Variants in GRK6 observed in about 807,000 individuals in gnomAD.
The protein encoded by GRK6 is G protein-coupled receptor kinase 6.
In GRK6, 37 loss-of-function variants were observed where a neutral mutation model predicts 80.8. The ratio of observed to expected loss-of-function variants is 0.46; its 90% CI spans 0.35 to 0.60. The LOEUF (loss-of-function observed/expected upper bound fraction) is 0.60. GRK6 is among the 20% of genes least tolerant of loss of function. The pLI is 0.00. For synonymous variants in GRK6, 295 were observed against 320.9 expected (o/e 0.92, Z 0.86); for missense variants, 560 against 784.6 (o/e 0.71, Z 3.42).
chr5:177,426,982 C>A, intron 1 of GRK6, 85 bp downstream of exon 1: 2 of 938,918 alleles, frequency 2.1e-6, no homozygotes, highest in Admixed American at 4.2e-5. Context: ...ACCCAGCCGT[C>A]GGATCCCCTA....
chr5:177,441,553 C>T (rs1407934602), intron 15 of GRK6, among the ~76,000 whole-genome samples, 184 bp from the exon 16 acceptor site: 2 of 152,194 alleles, frequency 1.3e-5, no homozygotes, highest in East Asian at 1.9e-4. Context: ...TCTGCAATGA[C>T]GCCCACCCAC....
chr5:177,430,978 G>A lies in GRK6; in HGVS notation c.148+11G>A, dbSNP rs1368419262. 6.2e-7 allele frequency: 1 copy of A among 1,609,966 alleles called. No homozygotes were observed. The highest frequency in any genetic ancestry group is 1.1e-5 in the South Asian group (1 of 90,898). On this transcript the variant is annotated intron_variant, in intron 2 of 15. Transcript: ENST00000355472. ...TGCGGCTCAGCCTCGGTGAGGCCTGGGCAGAGACTGGGGGTGCTGAGGCGA... is the reference window on the plus strand; with the variant it reads ...TGCGGCTCAGCCTCGGTGAGGCCTGAGCAGAGACTGGGGGTGCTGAGGCGA...
In GRK6 at chr5:177,429,204, C is replaced by T. The variant is rs9687147; in HGVS notation, c.53-1668C>T. ...TTGCTGTGAGGATGGAGTGGGACAA[C>T]GCTGGGGCTTGAGACCTCCCTCAGT... On this transcript the variant is annotated intron_variant, in intron 1 of 15. Transcript: ENST00000355472. The surrounding 1 kb of genome is among the most constrained non-coding windows in gnomAD (Gnocchi z 4.3). 9.9e-4 allele frequency among the ~76,000 whole-genome samples: 151 copies of T among 152,154 alleles called. No homozygotes were observed. The highest frequency in any genetic ancestry group is 3.6e-3 in the African/African-American group (148 of 41,504).
chr5:177,433,970 G>A lies in GRK6; in HGVS notation c.795G>A (p.Leu265=), dbSNP rs1487481510. 6.2e-7 allele frequency: 1 copy of A among 1,611,916 alleles called. No individual in the cohort carries two copies. Among genetic ancestry groups the A allele is most frequent in the East Asian group, 2.2e-5 (1 of 44,868 alleles). Reference sequence around the variant, plus strand: ...ACGCGCTGTGCCTGGTGCTGACACTGATGAACGGGGGCGACCTCAAGTTCC... The same window carrying A: ...ACGCGCTGTGCCTGGTGCTGACACTAATGAACGGGGGCGACCTCAAGTTCC... The part of the protein sequence containing the change: ...TKDALCLVLT[L]MNGGDLKFHI... The change falls in exon 9 of 16, where the codon CTG becomes CTA. Residue 265 remains leucine (L), a synonymous_variant. Coordinates refer to ENST00000355472, the MANE Select transcript of GRK6 (RefSeq NM_001004106.3).
At chr5:177,434,646 G>C (rs1764060741) in intron 9 of GRK6, among the ~76,000 whole-genome samples, 1 of 152,228 alleles carries the variant, frequency 6.6e-6, no homozygotes, top group Non-Finnish European at 1.5e-5. Context: ...GTCTCCACTG[G>C]GGAGGCCCCT....
intron 13 of GRK6, chr5:177,438,980 TAA>T (rs1271395075): frequency 1.4e-4 from 22 of 152,198 alleles, no homozygotes; most frequent in Admixed American, 1.0e-3. Flanking sequence ...TTACTTGAAC[TAA>T]GAGAGCCTGA....
chr5:177,436,171 C>A lies in GRK6; in HGVS notation c.1156C>A (p.Gln386Lys). The change falls in exon 12 of 16, where the codon CAG (glutamine) becomes AAG (lysine). Residue 386 changes from glutamine to lysine, a missense_variant. Gln to Lys is a moderately conservative substitution (Grantham distance 53). Transcript: ENST00000355472. ...GATGATCGCAGGCCAGTCGCCCTTC[C>A]AGCAGAGGAAGAAGAAGATCAAGCG... is the stretch of plus-strand genomic sequence containing the variant. ...YEMIAGQSPF[Q>K]QRKKKIKREE... The A allele has an allele frequency of 6.2e-7, 1 of 1,614,208 alleles. No homozygotes were observed. Among genetic ancestry groups the A allele is most frequent in the Non-Finnish European group, 8.5e-7 (1 of 1,180,040 alleles).
intron 15 of GRK6, chr5:177,441,289 C>T (rs1480020895): frequency 9.0e-6 from 14 of 1,555,406 alleles, no homozygotes; most frequent in East Asian, 2.4e-5. Flanking sequence ...TGCTGCCTGG[C>T]CTCGGGGAGC....
Position 177,434,107 on chromosome 5 carries a change from G to C in GRK6, c.929+3G>C. On this transcript the variant is annotated splice_donor_region_variant and intron_variant, in intron 9 of 15. Transcript: ENST00000355472. ...CACCGGGAGCGCATCGTGTACAGGT[G>C]GGGAGGGCTCGGCCACCCCAGGGGC... is the stretch of plus-strand genomic sequence containing the variant. 6.4e-7 allele frequency: 1 copy of C among 1,557,030 alleles called. No homozygotes were observed.
rs371992461 is a variant in GRK6 at position 177,433,998 on chromosome 5, A to G, written c.823A>G (p.Ile275Val). The change falls in exon 9 of 16, where the codon ATC (isoleucine) becomes GTC (valine). Residue 275 changes from isoleucine (I) to valine (V), a missense_variant. Coordinates refer to ENST00000355472, the MANE Select transcript of GRK6 (RefSeq NM_001004106.3). ...LMNGGDLKFH[I>V]YHMGQAGFPE... ...GAACGGGGGCGACCTCAAGTTCCACATCTACCACATGGGCCAGGCTGGCTT... is the reference window on the plus strand; with the variant it reads ...GAACGGGGGCGACCTCAAGTTCCACGTCTACCACATGGGCCAGGCTGGCTT... 69 of 1,613,004 alleles carry G rather than the reference A, an allele frequency of 4.3e-5. No homozygotes were observed. Among genetic ancestry groups the G allele is most frequent in the Middle Eastern group, 1.6e-4 (1 of 6,076 alleles).
intron 13 of GRK6, among the ~76,000 whole-genome samples, chr5:177,440,483 G>A (rs1275804747): frequency 6.6e-6 from 1 of 152,268 alleles, no homozygotes; most frequent in Non-Finnish European, 1.5e-5. Context: ...ATTGAGCAGT[G>A]AGGAATAACG....
intron 6 of GRK6, 51 bp downstream of exon 6, chr5:177,433,290 C>T: frequency 6.2e-7 from 1 of 1,613,714 alleles, no homozygotes; most frequent in South Asian, 1.1e-5. Context: ...CGGGGTTCTT[C>T]ATAGGCCTTG....
chr5:177,436,577 G>C, intron 13 of GRK6, 47 bp downstream of exon 13: 1 of 1,505,272 alleles, frequency 6.6e-7, no homozygotes, highest in Non-Finnish European at 8.9e-7. Context: ...GCCAGGGCTG[G>C]GGCTCAGGGG....
At chr5:177,435,200 G>T in intron 11 of GRK6, 79 bp downstream of exon 11, 1 of 1,058,984 alleles carries the variant, frequency 9.4e-7, no homozygotes. Context: ...ACTTCTGTCT[G>T]GGAGTCTTCT....
Position 177,429,622 on chromosome 5 carries a change from G to A in GRK6, c.53-1250G>A, listed in dbSNP as rs1763804885. 6.6e-6 allele frequency among the ~76,000 whole-genome samples: 1 copy of A among 152,188 alleles called. No individual in the cohort carries two copies. The highest frequency in any genetic ancestry group is 2.4e-5 in the African/African-American group (1 of 41,448). On this transcript the variant is annotated intron_variant, in intron 1 of 15. Transcript: ENST00000355472. This position sits in a 1 kb window ranked among gnomAD's most constrained non-coding sequence, Gnocchi z 4.3. Reference sequence around the variant, plus strand: ...TTCTCCAGGCAGCTTAGGTCGGGGAGTCATCTAGGGACCTAGCCTTGCCCC... The same window carrying A: ...TTCTCCAGGCAGCTTAGGTCGGGGAATCATCTAGGGACCTAGCCTTGCCCC...
rs533076331 is a variant in GRK6, at chr5:177,440,289, G to C, written c.1405-411G>C. Among the ~76,000 whole-genome samples, 184 of 152,340 alleles carry C rather than the reference G, an allele frequency of 1.2e-3. 2 individuals carry two copies. In the South Asian group the frequency reaches 0.036, roughly 30 times the overall value. On this transcript the variant is annotated intron_variant, in intron 13 of 15. Transcript: ENST00000355472. ...CTCTGATTGGCTGGGAGAGAAGACG[G>C]CAAGTCCCAGGTCATCGCAGGGCGG...
At chr5:177,426,039 C>G (rs1763641487), upstream of GRK6, among the ~76,000 whole-genome samples, 1 of 152,224 alleles carries the variant, frequency 6.6e-6, no homozygotes. Context: ...GGGGGCTGGG[C>G]GGGGCGCCTG....
At chr5:177,433,081 C>A (rs1041562329) in intron 5 of GRK6, 66 bp from the exon 6 acceptor site, 2 of 1,409,344 alleles carry the variant, frequency 1.4e-6, no homozygotes, top group Non-Finnish European at 2.0e-6. Context: ...GAGGCCTGGC[C>A]CAGCAAGCCA....
intron 13 of GRK6, among the ~76,000 whole-genome samples, chr5:177,438,186 T>C (rs577839486): frequency 1.3e-5 from 2 of 152,192 alleles, no homozygotes; most frequent in Non-Finnish European, 2.9e-5. Context: ...CTGACCAACA[T>C]GGAGAAACCC....
Sources: allele counts gnomAD v4.1 joint callset (sites outside exome capture counted in the v4.1 genomes callset), GRCh38; gene constraint gnomAD v4.1.1; non-coding constraint Gnocchi (gnomAD v3.1); transcripts MANE v1.5; gene names NCBI Gene and HGNC (gene_info 2026-07-23, HGNC 2026-07-21).